Variants in ESRRB observed in about 807,000 individuals in gnomAD.
ESRRB encodes the protein estrogen related receptor beta.
ESRRB carries 16 observed loss-of-function variants against 46.0 expected under a neutral mutation model. The observed-to-expected ratio is 0.35, with a 90% CI of 0.24 to 0.53. The LOEUF (loss-of-function observed/expected upper bound fraction) is 0.53, where lower values mean the gene tolerates loss of function less well. Among genes scored for constraint, ESRRB ranks in the 20% least tolerant of loss-of-function variants. ESRRB has a pLI of 0.93. For synonymous variants in ESRRB, 246 were observed against 259.6 expected (o/e 0.95, Z 0.50); for missense variants, 488 against 607.4 (o/e 0.80, Z 2.07).
At chr14:76,443,062 C>A (rs1887988045) in intron 2 of ESRRB, among the ~76,000 whole-genome samples, 1 of 151,844 alleles carries the variant, frequency 6.6e-6, no homozygotes, top group South Asian at 2.1e-4. Flanking sequence ...GTGATCCACC[C>A]GCCTCAGCCT....
intron 1 of ESRRB, among the ~76,000 whole-genome samples, chr14:76,321,094 CA>C (rs1244113287): frequency 4.6e-5 from 7 of 152,152 alleles, no homozygotes; most frequent in African/African-American, 1.7e-4. Context: ...TGCTGTGCGA[CA>C]ATTCTTTTTA....
At chr14:76,462,500 C>T (rs1419880443) in intron 2 of ESRRB, 45 bp from the exon 3 acceptor site, 9 of 1,500,058 alleles carry the variant, frequency 6.0e-6, no homozygotes, top group Non-Finnish European at 7.4e-6. Context: ...AGGTGGGGGC[C>T]CTGGGCGGCC....
At chr14:76,364,409 C>T (rs529071478) in intron 1 of ESRRB, among the ~76,000 whole-genome samples, 61 of 152,068 alleles carry the variant, frequency 4.0e-4, no homozygotes, top group Non-Finnish European at 7.2e-4. Context: ...TCCTAAGGGG[C>T]CAGGCGCAGT....
chr14:76,435,951 C>A (rs1479003021), intron 1 of ESRRB, among the ~76,000 whole-genome samples: 1 of 152,172 alleles, frequency 6.6e-6, no homozygotes, highest in Non-Finnish European at 1.5e-5. Context: ...CTGTACCAAC[C>A]CTGATAGTTA....
intron 2 of ESRRB, among the ~76,000 whole-genome samples, chr14:76,458,840 C>CTTTTTTT (rs58084859): frequency 2.4e-5 from 3 of 126,272 alleles, no homozygotes; most frequent in South Asian, 5.1e-4. Context: ...TCACCCTCTC[C>CTTTTTTT]TTTTTTTTTT....
intron 3 of ESRRB, among the ~76,000 whole-genome samples, chr14:76,467,151 A>T (rs1438460941): frequency 6.6e-6 from 1 of 152,194 alleles, no homozygotes; most frequent in East Asian, 1.9e-4. Context: ...TCTTGGCAGA[A>T]TCCACTATGG....
chr14:76,392,900 C>G (rs1885524999), intron 1 of ESRRB, among the ~76,000 whole-genome samples: 1 of 152,202 alleles, frequency 6.6e-6, no homozygotes, highest in Non-Finnish European at 1.5e-5. Flanking sequence ...CCTGGGTGGC[C>G]ACTGGCCTTC....
chr14:76,393,653 A>T (rs1566873632), intron 1 of ESRRB, among the ~76,000 whole-genome samples: 1 of 152,124 alleles, frequency 6.6e-6, no homozygotes, highest in Non-Finnish European at 1.5e-5. Context: ...GGTGCCGGCA[A>T]CTGCAAGTGT....
At chr14:76,475,104 T>C (rs1224527597) in intron 3 of ESRRB, among the ~76,000 whole-genome samples, 1 of 151,980 alleles carries the variant, frequency 6.6e-6, no homozygotes, top group Non-Finnish European at 1.5e-5. Context: ...TGTCATGGCA[T>C]GTGCCTATGG....
At chr14:76,357,508 T>C (rs1884396514) in intron 1 of ESRRB, among the ~76,000 whole-genome samples, 1 of 152,194 alleles carries the variant, frequency 6.6e-6, no homozygotes, top group African/African-American at 2.4e-5. Flanking sequence ...TTTATGTATG[T>C]ATATAAGTGT....
intron 1 of ESRRB, among the ~76,000 whole-genome samples, chr14:76,385,096 G>A (rs1313690860): frequency 6.6e-6 from 1 of 151,670 alleles, no homozygotes. Flanking sequence ...TATATGTATC[G>A]TGGAACGAAG....
chr14:76,404,178 ATGTG>A (rs148910406), intron 1 of ESRRB, among the ~76,000 whole-genome samples: 1 of 151,396 alleles, frequency 6.6e-6, no homozygotes, highest in African/African-American at 2.4e-5. Context: ...TCTCATGTGT[ATGTG>A]TGTGTGTGTG....
intron 1 of ESRRB, among the ~76,000 whole-genome samples, chr14:76,425,547 G>T (rs1566891494): frequency 6.6e-6 from 1 of 151,494 alleles, no homozygotes; most frequent in African/African-American, 2.4e-5. Flanking sequence ...CTCCCTTCCA[G>T]CAACAGATTT....
At chr14:76,393,998 TAG>T (rs1482592630) in intron 1 of ESRRB, among the ~76,000 whole-genome samples, 2 of 143,770 alleles carry the variant, frequency 1.4e-5, no homozygotes, top group Non-Finnish European at 3.0e-5. Context: ...GTATTTTTAG[TAG>T]AGTTTCACCA....
chr14:76,447,332 C>T (rs1294837189), intron 2 of ESRRB, among the ~76,000 whole-genome samples: 1 of 148,800 alleles, frequency 6.7e-6, no homozygotes, highest in Non-Finnish European at 1.5e-5. Context: ...TCTCTAGTAT[C>T]TCCAATCTTG....
rs1365249790 is a variant in ESRRB at position 76,482,654 on chromosome 14, C to A, written c.745C>A (p.Pro249Thr). The change falls in exon 5 of 7, where the codon CCT becomes ACT. Residue 249 changes from proline to threonine, a missense_variant. Pro to Thr is a conservative substitution (Grantham distance 38). Coordinates refer to ENST00000644823, the MANE Select transcript of ESRRB (RefSeq NM_001379180.1). This position sits in a 1 kb window ranked among gnomAD's most constrained non-coding sequence, Gnocchi z 4.3. ...TGAGCCGGACAAGCTCTATGCCATGCCTCCCCCTGGTATGCCTGAGGGGGA... is the reference window on the plus strand; with the variant it reads ...TGAGCCGGACAAGCTCTATGCCATGACTCCCCCTGGTATGCCTGAGGGGGA... ...VAEPDKLYAMPPPGMPEGDIK... is the reference protein window; with the variant it reads ...VAEPDKLYAMTPPGMPEGDIK... The A allele has an allele frequency of 1.9e-6, 3 of 1,614,106 alleles. No homozygotes were observed. The highest frequency in any genetic ancestry group is 2.5e-6 in the Non-Finnish European group (3 of 1,179,978).
intron 1 of ESRRB, among the ~76,000 whole-genome samples, chr14:76,311,313 T>C (rs1883730959): frequency 1.3e-5 from 2 of 152,160 alleles, no homozygotes; most frequent in African/African-American, 4.8e-5. Context: ...AACTTTTATT[T>C]GCTGGCAGCT....
At chr14:76,493,785 T>C (rs1015075949) in intron 6 of ESRRB, among the ~76,000 whole-genome samples, 1 of 152,216 alleles carries the variant, frequency 6.6e-6, no homozygotes, top group African/African-American at 2.4e-5. Flanking sequence ...GATGACCCAC[T>C]TGGATCCCTT....
At chr14:76,323,774 G>A (rs577061792) in intron 1 of ESRRB, among the ~76,000 whole-genome samples, 2 of 152,268 alleles carry the variant, frequency 1.3e-5, no homozygotes, top group African/African-American at 2.4e-5. Flanking sequence ...CCCGAGTGGT[G>A]GCCTTGACCA....
Sources: allele counts gnomAD v4.1 joint callset (sites outside exome capture counted in the v4.1 genomes callset), GRCh38; gene constraint gnomAD v4.1.1; non-coding constraint Gnocchi (gnomAD v3.1); transcripts MANE v1.5; gene names NCBI Gene and HGNC (gene_info 2026-07-23, HGNC 2026-07-21).